Variants in MANBA observed in about 807,000 individuals in gnomAD.
MANBA encodes beta-mannosidase.
MANBA carries 83 observed loss-of-function variants against 111.1 expected under a neutral mutation model. The observed-to-expected ratio is 0.75, with a 90% confidence interval of 0.63 to 0.90. MANBA has a LOEUF of 0.90. Ranked by LOEUF, MANBA falls within the 40% of genes least tolerant of loss-of-function variation. The pLI, the probability that MANBA is intolerant of heterozygous loss-of-function variation, is 0.00. For synonymous variants in MANBA, 370 were observed against 378.7 expected (o/e 0.98, Z 0.27); for missense variants, 1,036 against 1,069.0 (o/e 0.97, Z 0.43).
intron 4 of MANBA, among the ~76,000 whole-genome samples, chr4:102,716,207 G>C (rs1722322593): frequency 6.6e-6 from 1 of 150,698 alleles, no homozygotes; most frequent in African/African-American, 2.4e-5. Flanking sequence ...TACTCAAGAG[G>C]CTCAGGCAGG....
At chr4:102,638,109 T>G (rs921363265) in intron 14 of MANBA, among the ~76,000 whole-genome samples, 2 of 152,154 alleles carry the variant, frequency 1.3e-5, no homozygotes, top group African/African-American at 4.8e-5. Context: ...TGGATTGTTG[T>G]TGTGGAGTGA....
chr4:102,691,285 C>A (rs1180302698), intron 5 of MANBA, among the ~76,000 whole-genome samples: 1 of 151,738 alleles, frequency 6.6e-6, no homozygotes. Context: ...TAAATATTTC[C>A]TGAGGACTTT....
chr4:102,726,338 A>G (rs975118399), intron 2 of MANBA, among the ~76,000 whole-genome samples: 1 of 152,208 alleles, frequency 6.6e-6, no homozygotes, highest in Non-Finnish European at 1.5e-5. Flanking sequence ...AAATGACTCC[A>G]TAAGACACAA....
At chr4:102,667,976 C>T (rs947664070) in intron 10 of MANBA, 5 of 152,032 alleles carry the variant, frequency 3.3e-5, no homozygotes, top group African/African-American at 1.2e-4. Context: ...TGAATCAGTC[C>T]GATGTTTCAG....
chr4:102,642,158 A>G (rs1729905469), intron 13 of MANBA, among the ~76,000 whole-genome samples: 1 of 152,054 alleles, frequency 6.6e-6, no homozygotes, highest in African/African-American at 2.4e-5. Flanking sequence ...AATCTCTAGA[A>G]CTTCCCCTTC....
At chr4:102,718,528 A>G (rs1372027635) in intron 4 of MANBA, among the ~76,000 whole-genome samples, 1 of 152,238 alleles carries the variant, frequency 6.6e-6, no homozygotes, top group Non-Finnish European at 1.5e-5. Flanking sequence ...CCAGAGATGT[A>G]AACGGAAAAC....
chr4:102,681,626 C>T (rs947717264), intron 7 of MANBA: 2 of 152,080 alleles, frequency 1.3e-5, no homozygotes, highest in Non-Finnish European at 2.9e-5. Flanking sequence ...GAGATCACAT[C>T]GAATTGAAGT....
In MANBA at chr4:102,639,755, G is replaced by A. The variant is rs1301054188; in HGVS notation, c.1972C>T (p.Gln658Ter). The A allele has an allele frequency of 6.2e-7, 1 of 1,613,974 alleles. No homozygotes were observed. The highest frequency in any genetic ancestry group is 2.2e-5 in the East Asian group (1 of 44,894). ...QGHTMGALYW[Q>*]LNDIWQAPSW... ...GGAGCTTGCCAGATGTCATTCAACT[G>A]CCAATAAAGTGCCCCCATCGTGTGC... Residue 658 changes from glutamine (Q) to a stop codon, truncating the protein, a stop_gained, in exon 14 of 17, where the codon CAG (glutamine) becomes TAG (stop). Transcript: ENST00000647097. LOFTEE classifies it high-confidence loss of function.
chr4:102,654,355 A>G (rs981746296), intron 12 of MANBA, among the ~76,000 whole-genome samples: 1 of 152,206 alleles, frequency 6.6e-6, no homozygotes, highest in Non-Finnish European at 1.5e-5. Context: ...GTTTCAAAAC[A>G]TCACGTAGTA....
intron 7 of MANBA, among the ~76,000 whole-genome samples, chr4:102,678,690 T>C (rs1301271753): frequency 1.3e-5 from 2 of 152,194 alleles, no homozygotes; most frequent in Admixed American, 6.5e-5. Flanking sequence ...TTTTATTAGC[T>C]TCAAAAAGAT....
At chr4:102,738,414 T>C (rs959684132) in intron 1 of MANBA, among the ~76,000 whole-genome samples, 1 of 152,266 alleles carries the variant, frequency 6.6e-6, no homozygotes, top group East Asian at 1.9e-4. Context: ...TGAACGTGGA[T>C]CACATCACAG....
At chr4:102,698,489 G>A (rs1183936732) in intron 5 of MANBA, among the ~76,000 whole-genome samples, 3 of 147,608 alleles carry the variant, frequency 2.0e-5, no homozygotes, top group Admixed American at 2.0e-4. Flanking sequence ...TATGGTTTTA[G>A]GTCTAACGTT....
At chr4:102,721,715 G>GGGAATCAA (rs1722582066) in intron 4 of MANBA, among the ~76,000 whole-genome samples, 1 of 152,012 alleles carries the variant, frequency 6.6e-6, no homozygotes, top group Non-Finnish European at 1.5e-5. Flanking sequence ...ACATTTCTAG[G>GGGAATCAA]GGAATCAAAC....
chr4:102,714,440 T>C lies in MANBA; in HGVS notation c.671A>G (p.Tyr224Cys). Residue 224 changes from tyrosine to cysteine, a missense_variant and splice_region_variant, in exon 5 of 17, where the codon TAT (tyrosine) becomes TGT (cysteine). Coordinates refer to ENST00000647097, the MANE Select transcript of MANBA (RefSeq NM_005908.4). ...AAAAATCACATCTTTCAGCTTACCA[T>C]ATATTGGGGAAAATGTGAAGTAGTT... is the stretch of plus-strand genomic sequence containing the variant. ...HLNYFTFSPI[Y>C]DKSAQEWNLE... The C allele has an allele frequency of 1.2e-6, 2 of 1,604,128 alleles. No individual in the cohort carries two copies. The highest frequency in any genetic ancestry group is 1.3e-5 in the African/African-American group (1 of 74,768).
At chr4:102,709,145 C>T (rs9307272) in intron 5 of MANBA, among the ~76,000 whole-genome samples, 4,190 of 148,232 alleles carry the variant, frequency 0.028, 130 homozygotes, top group African/African-American at 0.079. Flanking sequence ...AGCAAGGCCC[C>T]GTCAGGAAGG....
intron 2 of MANBA, 35 bp from the exon 3 acceptor site, chr4:102,724,002 G>A (rs746445792): frequency 4.8e-5 from 55 of 1,150,792 alleles, no homozygotes; most frequent in Admixed American, 2.3e-4. Context: ...AACAAGATGT[G>A]TAAAGCATTA....
At chr4:102,731,530 C>G (rs371239975) in intron 1 of MANBA, among the ~76,000 whole-genome samples, 4 of 152,174 alleles carry the variant, frequency 2.6e-5, no homozygotes, top group African/African-American at 9.7e-5. Context: ...TATCCTACCT[C>G]AGGTCAGCAA....
At chr4:102,738,471 C>T (rs1723294548) in intron 1 of MANBA, among the ~76,000 whole-genome samples, 1 of 152,220 alleles carries the variant, frequency 6.6e-6, no homozygotes. Flanking sequence ...GCCAGTAGCT[C>T]CGCTGGGTGG....
chr4:102,695,328 T>C (rs576092988), intron 5 of MANBA, among the ~76,000 whole-genome samples: 5 of 152,064 alleles, frequency 3.3e-5, no homozygotes, highest in African/African-American at 1.2e-4. Flanking sequence ...TAAGGAGAGA[T>C]ATAGAAAGTA....
Sources: allele counts gnomAD v4.1 joint callset (sites outside exome capture counted in the v4.1 genomes callset), GRCh38; gene constraint gnomAD v4.1.1; transcripts MANE v1.5; gene names NCBI Gene and HGNC (gene_info 2026-07-23, HGNC 2026-07-21).